The following NCKAP5 variants were observed in gnomAD, a reference collection of about 807,000 sequenced individuals.
NCKAP5 encodes NCK associated protein 5, also known as nck-associated protein 5.
In NCKAP5, 92 loss-of-function variants were observed where a neutral mutation model predicts 167.0. That is an observed-to-expected ratio of 0.55 (90% CI 0.47 to 0.66). The LOEUF (loss-of-function observed/expected upper bound fraction) is 0.66, where lower values mean the gene tolerates loss of function less well. Ranked by LOEUF, NCKAP5 falls within the 30% of genes least tolerant of loss-of-function variation. NCKAP5 has a pLI of 0.00. For synonymous variants in NCKAP5, 891 were observed against 877.4 expected (o/e 1.02, Z -0.27); for missense variants, 2,378 against 2,315.0 (o/e 1.03, Z -0.56).
At chr2:133,466,527 T>A (rs1167900421) in intron 3 of NCKAP5, among the ~76,000 whole-genome samples, 1 of 151,074 alleles carries the variant, frequency 6.6e-6, no homozygotes, top group Admixed American at 6.6e-5. Context: ...TTTAAAGTAG[T>A]TTTTTCCAAT....
At chr2:133,599,680 G>A in the NCKAP5 span, among the ~76,000 whole-genome samples, 3 of 151,220 alleles carry the variant, frequency 2.0e-5, no homozygotes, top group Non-Finnish European at 4.4e-5. Context: ...GAGAGGGAAG[G>A]GCAGGCAGTG....
At chr2:133,277,163 A>G (rs575383969) in intron 4 of NCKAP5, among the ~76,000 whole-genome samples, 50 of 152,284 alleles carry the variant, frequency 3.3e-4, no homozygotes, top group African/African-American at 1.1e-3. Context: ...CTTCTATTAA[A>G]CATTTTATTG....
intron 3 of NCKAP5, among the ~76,000 whole-genome samples, chr2:133,420,500 T>C (rs1689405278): frequency 6.6e-6 from 1 of 152,212 alleles, no homozygotes; most frequent in South Asian, 2.1e-4. Flanking sequence ...GGTTTCTTTT[T>C]TCAGTGATGA....
intron 9 of NCKAP5, among the ~76,000 whole-genome samples, chr2:132,874,975 T>C (rs1691153441): frequency 6.6e-6 from 1 of 152,158 alleles, no homozygotes; most frequent in Non-Finnish European, 1.5e-5. Context: ...TCAGAAGTAC[T>C]TTAAAACTTC....
chr2:133,475,628 G>T (rs926651139), intron 3 of NCKAP5, among the ~76,000 whole-genome samples: 1 of 152,090 alleles, frequency 6.6e-6, no homozygotes, highest in African/African-American at 2.4e-5. Flanking sequence ...ACTTCCCTTT[G>T]TATGGATTTC....
At chr2:133,064,121 C>T (rs986685083) in intron 6 of NCKAP5, among the ~76,000 whole-genome samples, 5 of 152,186 alleles carry the variant, frequency 3.3e-5, no homozygotes, top group African/African-American at 1.2e-4. Context: ...AAAATTCTGA[C>T]ATGATCAAAA....
Position 132,725,723 on chromosome 2 carries a change from C to A in NCKAP5, c.5617G>T (p.Gly1873Cys). The A allele has an allele frequency of 6.2e-7, 1 of 1,613,636 alleles. No homozygotes were observed. Among genetic ancestry groups the A allele is most frequent in the Non-Finnish European group, 8.5e-7 (1 of 1,179,788 alleles). Residue 1873 changes from glycine (G) to cysteine (C), a missense_variant, in exon 19 of 20, where the codon GGT (glycine) becomes TGT (cysteine). Physicochemically the swap from Gly to Cys is radical, Grantham distance 159 (BLOSUM62 -3). Around this residue, in one of 3 missense-constraint regions of NCKAP5, gnomAD observed 1,325 missense variants for 1,274.5 expected, o/e 1.04. Coordinates refer to ENST00000409261, the MANE Select transcript of NCKAP5 (RefSeq NM_207363.3). ...APRMCTYSASGGSNSDSDLDY... is the reference protein window; with the variant it reads ...APRMCTYSASCGSNSDSDLDY... ...AGGTCACTGTCACTATTACTGCCACCGCTGGCAGAGTACGTACACATTCTG... is the reference window on the plus strand; with the variant it reads ...AGGTCACTGTCACTATTACTGCCACAGCTGGCAGAGTACGTACACATTCTG...
intron 2 of NCKAP5, among the ~76,000 whole-genome samples, chr2:133,537,916 G>T (rs1432288): frequency 0.15 from 23,354 of 152,034 alleles, 1,957 homozygotes; most frequent in East Asian, 0.29. Flanking sequence ...TATCTTAGCT[G>T]CCCACATTTG....
intron 8 of NCKAP5, among the ~76,000 whole-genome samples, chr2:132,886,634 T>C (rs1321747187): frequency 6.6e-6 from 1 of 152,248 alleles, no homozygotes; most frequent in Non-Finnish European, 1.5e-5. Context: ...TTCAAAAGTA[T>C]AGGCCAGTTA....
chr2:133,565,044 T>C (rs1364225377), intron 1 of NCKAP5, among the ~76,000 whole-genome samples: 1 of 152,136 alleles, frequency 6.6e-6, no homozygotes, highest in Non-Finnish European at 1.5e-5. Context: ...CTGCGGTGAC[T>C]GGGATGTGAA....
At chr2:133,308,079 ATTTTTTT>A (rs60111877) in intron 3 of NCKAP5, among the ~76,000 whole-genome samples, 5 of 89,406 alleles carry the variant, frequency 5.6e-5, no homozygotes, top group South Asian at 3.6e-4. Flanking sequence ...TTATTGTTCT[ATTTTTTT>A]TTTTTTTTTT....
rs541525805 is a variant in NCKAP5 at position 133,036,074 on chromosome 2, A to G, written c.342-41835T>C. On this transcript the variant is annotated intron_variant, in intron 6 of 19. Coordinates refer to ENST00000409261, the MANE Select transcript of NCKAP5 (RefSeq NM_207363.3). The stretch of plus-strand genomic sequence containing the variant: ...ATATGTCAATAAATTGGAAAAATCT[A>G]GAAGAAATGGAAAAATTCCTAGATA... 1.7e-4 allele frequency among the ~76,000 whole-genome samples: 26 copies of G among 152,102 alleles called. 1 individual carries two copies. The South Asian group carries it at 4.8e-3, about 28-fold the overall frequency.
intron 19 of NCKAP5, among the ~76,000 whole-genome samples, chr2:132,721,013 CAA>C (rs60864377): frequency 2.9e-5 from 4 of 135,636 alleles, no homozygotes; most frequent in Non-Finnish European, 1.6e-5. Flanking sequence ...GACTCCATCT[CAA>C]AAAAAAAAAA....
At chr2:132,815,919 TG>T (rs1315422869) in intron 11 of NCKAP5, among the ~76,000 whole-genome samples, 1 of 152,192 alleles carries the variant, frequency 6.6e-6, no homozygotes, top group Non-Finnish European at 1.5e-5. Flanking sequence ...GGAGAAATCC[TG>T]GGCTCAGCCT....
intron 6 of NCKAP5, among the ~76,000 whole-genome samples, chr2:133,068,833 A>T (rs1171405937): frequency 6.6e-5 from 10 of 152,226 alleles, no homozygotes; most frequent in Non-Finnish European, 1.2e-4. Flanking sequence ...ATAGCCAGGA[A>T]AGATTCATTC....
At chr2:133,023,085 T>TGAGAAATCCTGAAGCAGAG (rs2078581893) in intron 6 of NCKAP5, among the ~76,000 whole-genome samples, 1 of 152,160 alleles carries the variant, frequency 6.6e-6, no homozygotes, top group Non-Finnish European at 1.5e-5. Flanking sequence ...GCTAAGCCTC[T>TGAGAAATCCTGAAGCAGAG]GAGAAATCCT....
intron 6 of NCKAP5, among the ~76,000 whole-genome samples, chr2:133,025,449 T>A (rs1423905396): frequency 6.6e-6 from 1 of 152,214 alleles, no homozygotes; most frequent in African/African-American, 2.4e-5. Flanking sequence ...AGTACAGGTG[T>A]AGGGGCTGGT....
In NCKAP5 at chr2:132,825,385, C is replaced by G. The variant is rs533852664; in HGVS notation, c.808-28656G>C. 3.3e-5 allele frequency among the ~76,000 whole-genome samples: 5 copies of G among 152,272 alleles called. 1 individual carries two copies. In the South Asian group the frequency reaches 8.3e-4, roughly 25 times the overall value. ...TTAACGATATAGTTCACATCTCCAC[C>G]CCTAAGAGGAAGACAAAAATCTGGA... is the stretch of plus-strand genomic sequence containing the variant. On this transcript the variant is annotated intron_variant, in intron 11 of 19. Transcript: ENST00000409261.
At chr2:133,672,589 A>G in the NCKAP5 span, among the ~76,000 whole-genome samples, 1 of 152,196 alleles carries the variant, frequency 6.6e-6, no homozygotes, top group African/African-American at 2.4e-5. Context: ...CTTTTCCTTT[A>G]AAGAACCCAA....
Sources: gnomAD v4.1 joint callset for allele counts (sites outside exome capture counted in the v4.1 genomes callset) on GRCh38, gnomAD v4.1.1 for gene constraint, gnomAD v4.1.1 regional missense constraint, MANE v1.5 for transcripts, NCBI Gene and HGNC (gene_info 2026-07-23, HGNC 2026-07-21) for gene names.